GOLGA4: variants seen among roughly 807,000 people sequenced by gnomAD.
GOLGA4 encodes the protein golgin A4, also known as golgin subfamily A member 4.
Under a neutral mutation model 265.9 loss-of-function variants are expected in GOLGA4, and 169 were observed. The ratio of observed to expected loss-of-function variants is 0.64; its 90% CI spans 0.56 to 0.72. The LOEUF (loss-of-function observed/expected upper bound fraction) is 0.72. Ranked by LOEUF, GOLGA4 falls within the 30% of genes least tolerant of loss-of-function variation. The probability of loss-of-function intolerance (pLI) is 0.00; values close to 1 mark genes in which losing one functional copy is unlikely to be tolerated. For synonymous variants in GOLGA4, 923 were observed against 855.8 expected (o/e 1.08, Z -1.37); for missense variants, 2,482 against 2,483.4 (o/e 1.00, Z 0.01).
intron 1 of GOLGA4, chr3:37,249,632 C>T (rs1415946177): frequency 6.6e-6 from 1 of 152,128 alleles, no homozygotes; most frequent in African/African-American, 2.4e-5. Context: ...TATGTCATCC[C>T]TTAAGGTGAC....
chr3:37,347,311 T>C lies in GOLGA4; in HGVS notation c.6576+15T>C, dbSNP rs185678395. 5.0e-4 allele frequency: 701 copies of C among 1,388,782 alleles called. No homozygotes were observed. The highest frequency in any genetic ancestry group is 2.1e-3 in the Admixed American group (126 of 58,936). 86.0% of individuals were successfully genotyped at this position (1,388,782 alleles called of 1,614,324 possible). A position where few individuals can be genotyped will look rare whatever the true frequency, so the allele number is the denominator to read the frequency against. On this transcript the variant is annotated intron_variant, in intron 21 of 23. Transcript: ENST00000361924. ...GTGAGACTAAGGTATAAATCATGTCTCGTGATTTGGTGTGTGGCTTAATTT... is the reference window on the plus strand; with the variant it reads ...GTGAGACTAAGGTATAAATCATGTCCCGTGATTTGGTGTGTGGCTTAATTT...
intron 1 of GOLGA4, among the ~76,000 whole-genome samples, chr3:37,247,410 G>A (rs2096722487): frequency 6.6e-6 from 1 of 152,212 alleles, no homozygotes; most frequent in African/African-American, 2.4e-5. Flanking sequence ...AGTACTTTCA[G>A]TGTAATAGTG....
At position 37,327,084 on chromosome 3, in the gene GOLGA4, C is replaced by A; in HGVS notation, c.5198C>A (p.Thr1733Lys). ...GATTCCCAAGGCTGTGTGCAGAAGA[C>A]ATATGAAGAAAAAATCAGTGTTTTA... ...EADSQGCVQK[T>K]YEEKISVLQR... is the part of the protein sequence containing the mutation. The change falls in exon 14 of 24, where the codon ACA becomes AAA. Residue 1733 changes from threonine to lysine, a missense_variant. Transcript: ENST00000361924. 1 of 1,613,558 alleles carries A rather than the reference C, an allele frequency of 6.2e-7. No individual in the cohort carries two copies. The highest frequency in any genetic ancestry group is 8.5e-7 in the Non-Finnish European group (1 of 1,179,744).
At chr3:37,246,387 A>G (rs990558653) in intron 1 of GOLGA4, among the ~76,000 whole-genome samples, 1 of 152,270 alleles carries the variant, frequency 6.6e-6, no homozygotes, top group African/African-American at 2.4e-5. Context: ...AGTCAATAAA[A>G]GAAACATCAA....
intron 23 of GOLGA4, among the ~76,000 whole-genome samples, chr3:37,363,193 G>T (rs1696469296): frequency 6.6e-6 from 1 of 151,888 alleles, no homozygotes; most frequent in South Asian, 2.1e-4. Flanking sequence ...TCTTATTTTT[G>T]TCATCCACAT....
chr3:37,246,323 A>G (rs1560262074), intron 1 of GOLGA4, among the ~76,000 whole-genome samples: 1 of 151,836 alleles, frequency 6.6e-6, no homozygotes, highest in Non-Finnish European at 1.5e-5. Flanking sequence ...AAAAAAAAAA[A>G]TATGTTTTAA....
chr3:37,325,733 G>T lies in GOLGA4; in HGVS notation c.3847G>T (p.Glu1283Ter). 1.2e-6 allele frequency: 2 copies of T among 1,613,732 alleles called. No individual in the cohort carries two copies. The highest frequency in any genetic ancestry group is 1.7e-6 in the Non-Finnish European group (2 of 1,179,692). The change falls in exon 14 of 24, where the codon GAG (glutamate) becomes TAG (stop). Residue 1283 changes from glutamate to a stop codon, truncating the protein, a stop_gained. Transcript: ENST00000361924. LOFTEE classifies it high-confidence loss of function. ...ELEAQLRQLT[E>*]EQNTLNISFQ... ...AGAAGCACAACTTAGACAGTTGACA[G>T]AGGAGCAAAATACACTAAATATTTC...
chr3:37,293,578 A>G (rs1317200626), intron 5 of GOLGA4, among the ~76,000 whole-genome samples: 1 of 152,242 alleles, frequency 6.6e-6, no homozygotes, highest in Non-Finnish European at 1.5e-5. Flanking sequence ...CTAGTGAAGT[A>G]TAGGAATCCC....
At chr3:37,321,960 T>G in intron 13 of GOLGA4, 74 bp downstream of exon 13, 7 of 1,252,618 alleles carry the variant, frequency 5.6e-6, no homozygotes, top group Non-Finnish European at 7.8e-6. Flanking sequence ...CTCTAGTCAG[T>G]ATAAAGTTTC....
At chr3:37,248,190 G>A (rs1297112485) in intron 1 of GOLGA4, among the ~76,000 whole-genome samples, 2 of 152,178 alleles carry the variant, frequency 1.3e-5, no homozygotes, top group Non-Finnish European at 2.9e-5. Flanking sequence ...TACTCAGGCA[G>A]TCTTGAACTC....
rs776508408 is a variant in GOLGA4 at position 37,324,354 on chromosome 3, A to C, written c.2468A>C (p.Gln823Pro). 9 of 1,614,102 alleles carry C rather than the reference A, an allele frequency of 5.6e-6. No individual in the cohort carries two copies. The African/African-American group carries it at 1.2e-4, about 22-fold the overall frequency. The change falls in exon 14 of 24, where the codon CAA becomes CCA. Residue 823 changes from glutamine to proline, a missense_variant. Transcript: ENST00000361924. Reference sequence around the variant, plus strand: ...AAAGCATATGAGGAACAGTTGGCCCAATTGCAGCAGAAGTTGTTGGATTTG... The same window carrying C: ...AAAGCATATGAGGAACAGTTGGCCCCATTGCAGCAGAAGTTGTTGGATTTG... ...QTKAYEEQLA[Q>P]LQQKLLDLET...
rs373549785 is a variant in GOLGA4, at chr3:37,323,925, A to G, written c.2039A>G (p.Asp680Gly). 1.2e-6 allele frequency: 2 copies of G among 1,613,732 alleles called. No homozygotes were observed. Among genetic ancestry groups the G allele is most frequent in the Non-Finnish European group, 1.7e-6 (2 of 1,179,946 alleles). Residue 680 changes from aspartate (D) to glycine (G), a missense_variant, in exon 14 of 24, where the codon GAT becomes GGT. This residue lies in a region of GOLGA4 where 1,536 missense variants were observed against 1,483.7 expected (regional missense o/e 1.04). Transcript: ENST00000361924. ...AATGAAAAGACTTTAGAAAAGCTTG[A>G]TGTGAAGCAAACAGAACTAGAATCA... ...EMNEKTLEKL[D>G]VKQTELESLS...
chr3:37,345,814 G>C lies in GOLGA4; in HGVS notation c.6473-1379G>C, dbSNP rs147073739. Among the ~76,000 whole-genome samples the C allele has an allele frequency of 1.6e-4, 24 of 152,176 alleles. No individual in the cohort carries two copies. In the East Asian group the frequency reaches 4.4e-3, roughly 28 times the overall value. On this transcript the variant is annotated intron_variant, in intron 20 of 23. Coordinates refer to ENST00000361924, the MANE Select transcript of GOLGA4 (RefSeq NM_002078.5). ...ATACAAAAATTAGCCAGGCATGGTG[G>C]TGCACACCTGTAATCTCAGCTGCTC...
intron 10 of GOLGA4, among the ~76,000 whole-genome samples, chr3:37,305,947 T>C (rs2096904872): frequency 6.6e-6 from 1 of 152,236 alleles, no homozygotes; most frequent in Non-Finnish European, 1.5e-5. Flanking sequence ...CTCATATTTT[T>C]TTCTAGATGA....
At chr3:37,243,753 C>G in intron 1 of GOLGA4, 131 bp downstream of exon 1, 1 of 726,256 alleles carries the variant, frequency 1.4e-6, no homozygotes. Flanking sequence ...TCCCAAACTC[C>G]GGACCCAGAA....
At chr3:37,261,770 A>C (rs1378258817) in intron 2 of GOLGA4, among the ~76,000 whole-genome samples, 2 of 152,164 alleles carry the variant, frequency 1.3e-5, no homozygotes, top group Non-Finnish European at 1.5e-5. Flanking sequence ...TCAGTGGTCC[A>C]TTATGGGAAA....
At chr3:37,364,507 G>A (rs1053298405) in intron 23 of GOLGA4, among the ~76,000 whole-genome samples, 3 of 151,860 alleles carry the variant, frequency 2.0e-5, no homozygotes, top group South Asian at 2.1e-4. Context: ...CTCCCATAGT[G>A]CTGGGATTAC....
chr3:37,320,398 G>T (rs1177265661), intron 12 of GOLGA4: 1 of 152,110 alleles, frequency 6.6e-6, no homozygotes, highest in African/African-American at 2.4e-5. Flanking sequence ...TTTCTTACGT[G>T]TATTGTTGTT....
intron 2 of GOLGA4, among the ~76,000 whole-genome samples, chr3:37,258,307 T>TATATAGAGCATATATATATAG (rs2096759982): frequency 2.0e-5 from 3 of 149,856 alleles, no homozygotes; most frequent in Non-Finnish European, 4.4e-5. Flanking sequence ...TATATATATA[T>TATATAGAGCATATATATATAG]AGAGAGCATA....
Sources: gnomAD v4.1 joint callset for allele counts (sites outside exome capture counted in the v4.1 genomes callset) on GRCh38, gnomAD v4.1.1 for gene constraint, gnomAD v4.1.1 regional missense constraint, MANE v1.5 for transcripts, NCBI Gene and HGNC (gene_info 2026-07-23, HGNC 2026-07-21) for gene names.